Variants in NEK10 observed in about 807,000 individuals in gnomAD.
The protein encoded by NEK10 is serine/threonine-protein kinase Nek10.
A neutral mutation model predicts 159.8 loss-of-function variants in NEK10; 122 were observed. The observed-to-expected ratio is 0.76, with a 90% CI of 0.66 to 0.89. NEK10 has a LOEUF of 0.89. Among genes scored for constraint, NEK10 ranks in the 40% least tolerant of loss-of-function variants. NEK10 has a pLI of 0.00. For synonymous variants in NEK10, 466 were observed against 457.1 expected (o/e 1.02, Z -0.25); for missense variants, 1,342 against 1,323.1 (o/e 1.01, Z -0.22).
chr3:27,191,527 A>G (rs2148975672), intron 26 of NEK10, among the ~76,000 whole-genome samples: 3 of 152,370 alleles, frequency 2.0e-5, no homozygotes, highest in Admixed American at 2.0e-4. Context: ...ATATCAAAAC[A>G]ATCTAAAGGT....
At chr3:27,190,447 G>T (rs549167354) in intron 26 of NEK10, among the ~76,000 whole-genome samples, 1 of 152,260 alleles carries the variant, frequency 6.6e-6, no homozygotes. Context: ...GATGGGTACA[G>T]GAAGTAATCT....
rs1166556807 is a variant in NEK10, at chr3:27,106,877, G to A, written c.*4395C>T. Among the ~76,000 whole-genome samples the A allele has an allele frequency of 6.6e-6, 1 of 152,176 alleles. No homozygotes were observed. The highest frequency in any genetic ancestry group is 1.5e-5 in the Non-Finnish European group (1 of 68,028). ...CTATCTTTGTTTAGGAGAAAGAAAG[G>A]TAAGCTATTTCCAAATGACAGCATT... On this transcript the variant is annotated 3_prime_UTR_variant, in exon 36 of 36. Coordinates refer to ENST00000691995, the MANE Select transcript of NEK10 (RefSeq NM_001394966.1).
At chr3:27,213,101 C>A (rs1160237273) in intron 23 of NEK10, among the ~76,000 whole-genome samples, 5 of 152,172 alleles carry the variant, frequency 3.3e-5, no homozygotes, top group Admixed American at 2.6e-4. Flanking sequence ...CCCAGAAAAT[C>A]CTGTAACAGG....
At chr3:27,135,158 C>T (rs1943057595) in intron 31 of NEK10, among the ~76,000 whole-genome samples, 1 of 152,134 alleles carries the variant, frequency 6.6e-6, no homozygotes, top group Non-Finnish European at 1.5e-5. Flanking sequence ...GTGGTTCATG[C>T]CTGTATTGCC....
chr3:27,217,384 C>T (rs1951644310), intron 23 of NEK10, among the ~76,000 whole-genome samples: 1 of 152,176 alleles, frequency 6.6e-6, no homozygotes, highest in African/African-American at 2.4e-5. Flanking sequence ...AACTTTGACT[C>T]ATGGCAGAAG....
chr3:27,158,666 C>T (rs1272134444), intron 30 of NEK10, among the ~76,000 whole-genome samples: 3 of 152,162 alleles, frequency 2.0e-5, no homozygotes, highest in African/African-American at 7.2e-5. Context: ...GTGTCAGGTG[C>T]TGTCTAAATA....
chr3:27,328,049 C>T (rs916247845), intron 5 of NEK10, among the ~76,000 whole-genome samples: 8 of 151,956 alleles, frequency 5.3e-5, no homozygotes, highest in African/African-American at 1.9e-4. Context: ...CTCTGTGTCC[C>T]CTACTAAATC....
intron 22 of NEK10, chr3:27,278,718 C>A (rs35951360): frequency 1.0e-6 from 1 of 983,780 alleles, no homozygotes; most frequent in East Asian, 1.1e-4. Context: ...AGGAGGCAAG[C>A]GGACATGGAA....
chr3:27,345,171 A>G (rs2047466470), intron 4 of NEK10, among the ~76,000 whole-genome samples: 1 of 152,204 alleles, frequency 6.6e-6, no homozygotes, highest in Non-Finnish European at 1.5e-5. Context: ...ACCTCAAAGG[A>G]AAGGTGTGTA....
chr3:27,346,045 G>A (rs373941562), intron 4 of NEK10, 41 bp downstream of exon 4: 4 of 1,603,458 alleles, frequency 2.5e-6, no homozygotes, highest in Non-Finnish European at 2.6e-6. Flanking sequence ...GAGCTAAGCA[G>A]AATAAGTTGC....
At chr3:27,222,272 C>T (rs1952191691) in intron 23 of NEK10, among the ~76,000 whole-genome samples, 1 of 152,160 alleles carries the variant, frequency 6.6e-6, no homozygotes, top group South Asian at 2.1e-4. Context: ...ACTCTGGAGG[C>T]TGAGACGGGA....
chr3:27,171,756 G>T (rs1190410332), intron 29 of NEK10, 63 bp downstream of exon 29: 1 of 1,559,548 alleles, frequency 6.4e-7, no homozygotes, highest in Non-Finnish European at 8.8e-7. Flanking sequence ...TTTCAATTCA[G>T]CTGAGTTATT....
At chr3:27,230,056 A>G (rs1484541240) in intron 23 of NEK10, among the ~76,000 whole-genome samples, 2 of 152,086 alleles carry the variant, frequency 1.3e-5, no homozygotes, top group African/African-American at 2.4e-5. Flanking sequence ...TCATCACAAA[A>G]GCACATAGTT....
chr3:27,295,626 C>A lies in NEK10; in HGVS notation c.1295G>T (p.Ser432Ile), dbSNP rs1312136652. 3 of 1,563,832 alleles carry A rather than the reference C, an allele frequency of 1.9e-6. No homozygotes were observed. The highest frequency in any genetic ancestry group is 1.9e-5 in the Admixed American group (1 of 52,350). The stretch of plus-strand genomic sequence containing the variant: ...CATGTTTATTACCTGTAATAGATTA[C>A]TTTTTGCTGCATTCTTTTGCTTATT... The part of the protein sequence containing the change: ...LPNKQKNAAK[S>I]NLLQCYAFRA... The change falls in exon 15 of 36, where the codon AGT (serine) becomes ATT (isoleucine). Residue 432 changes from serine (S) to isoleucine (I), a missense_variant. Transcript: ENST00000691995.
chr3:27,329,740 C>A (rs556233893), intron 5 of NEK10, among the ~76,000 whole-genome samples: 5 of 152,254 alleles, frequency 3.3e-5, no homozygotes, highest in South Asian at 2.1e-4. Flanking sequence ...TAGTAAAGAA[C>A]AAGGGAATCC....
At chr3:27,337,603 T>C (rs2046903073) in intron 5 of NEK10, among the ~76,000 whole-genome samples, 2 of 152,148 alleles carry the variant, frequency 1.3e-5, no homozygotes, top group African/African-American at 4.8e-5. Context: ...AAACCAAACA[T>C]ATAGACTGAT....
At position 27,256,109 on chromosome 3, in the gene NEK10, T is replaced by C. The variant is rs180963576; in HGVS notation, c.2090+187A>G. ...TACCTTAGAAGAAAGATTATTTTTG[T>C]GGTGGTTGTTTTAAGCATACATAAT... On this transcript the variant is annotated intron_variant, in intron 23 of 35. Coordinates refer to ENST00000691995, the MANE Select transcript of NEK10 (RefSeq NM_001394966.1). Among the ~76,000 whole-genome samples the C allele has an allele frequency of 1.4e-3, 215 of 152,294 alleles. 2 individuals are homozygous for C. Among genetic ancestry groups the C allele is most frequent in the African/African-American group, 5.0e-3 (207 of 41,572 alleles).
chr3:27,225,409 C>T (rs1281264736), intron 23 of NEK10, among the ~76,000 whole-genome samples: 1 of 152,208 alleles, frequency 6.6e-6, no homozygotes, highest in African/African-American at 2.4e-5. Context: ...TTAACCATCA[C>T]ACCCACTTTG....
intron 12 of NEK10, among the ~76,000 whole-genome samples, chr3:27,304,224 A>G (rs1203625299): frequency 1.3e-5 from 2 of 152,220 alleles, no homozygotes; most frequent in African/African-American, 4.8e-5. Context: ...TAGAGTTAGT[A>G]ACATGGCAAC....
Sources: allele counts gnomAD v4.1 joint callset (sites outside exome capture counted in the v4.1 genomes callset), GRCh38; gene constraint gnomAD v4.1.1; transcripts MANE v1.5; gene names NCBI Gene and HGNC (gene_info 2026-07-23, HGNC 2026-07-21).